Variants in PACRG observed in about 807,000 individuals in gnomAD.
The protein encoded by PACRG is parkin coregulated, also known as parkin coregulated gene protein.
PACRG carries 29 observed loss-of-function variants against 29.7 expected under a neutral mutation model. The observed-to-expected ratio is 0.98, with a 90% confidence interval of 0.73 to 1.33. The LOEUF is 1.33. Ranked by LOEUF, PACRG falls within the 40% of genes most tolerant of loss-of-function variation. The probability of loss-of-function intolerance (pLI) is 0.00; values close to 1 mark genes in which losing one functional copy is unlikely to be tolerated. For missense variants in PACRG, 279 were observed against 316.2 expected (o/e 0.88, Z 0.89); for synonymous variants, 116 against 118.7 (o/e 0.98, Z 0.15).
At chr6:162,825,299 A>C (rs1788182811) in intron 2 of PACRG, among the ~76,000 whole-genome samples, 2 of 152,176 alleles carry the variant, frequency 1.3e-5, no homozygotes, top group African/African-American at 4.8e-5. Context: ...AGTCTGATTT[A>C]AGTCTGAAGA....
chr6:163,183,390 G>A (rs947521549), intron 4 of PACRG: 1 of 152,218 alleles, frequency 6.6e-6, no homozygotes, highest in Non-Finnish European at 1.5e-5. Flanking sequence ...ACAACTTGTA[G>A]GACATGATAT....
chr6:162,985,706 A>G (rs1802830815), intron 2 of PACRG, among the ~76,000 whole-genome samples: 1 of 152,066 alleles, frequency 6.6e-6, no homozygotes. Context: ...TCCTAGCCAG[A>G]GCAATCAGAC....
At chr6:162,976,853 T>C (rs141124558) in intron 2 of PACRG, among the ~76,000 whole-genome samples, 1 of 152,236 alleles carries the variant, frequency 6.6e-6, no homozygotes, top group Non-Finnish European at 1.5e-5. Context: ...TTCTAAATAC[T>C]ATTATTAGAA....
chr6:163,158,103 G>A (rs1287324633), intron 4 of PACRG, among the ~76,000 whole-genome samples: 1 of 152,198 alleles, frequency 6.6e-6, no homozygotes, highest in East Asian at 1.9e-4. Flanking sequence ...CTGAGAGAAT[G>A]GGAAATGCTC....
chr6:163,154,395 G>A (rs1442708883), intron 4 of PACRG, among the ~76,000 whole-genome samples: 1 of 152,232 alleles, frequency 6.6e-6, no homozygotes, highest in East Asian at 1.9e-4. Flanking sequence ...CAGGAGATGG[G>A]CTGATAGTTC....
chr6:163,035,245 G>T (rs767236493), intron 2 of PACRG, among the ~76,000 whole-genome samples: 13 of 152,170 alleles, frequency 8.5e-5, no homozygotes, highest in Non-Finnish European at 1.3e-4. Flanking sequence ...GGGCACAGTG[G>T]CTCATGCCCA....
chr6:162,943,687 G>A (rs9456819), intron 2 of PACRG, among the ~76,000 whole-genome samples: 105,488 of 151,896 alleles, frequency 0.69, 36,946 homozygotes, highest in East Asian at 0.79. Context: ...TGAGCTCGCC[G>A]TCTGGGTACC....
intron 4 of PACRG, 23 bp from the exon 5 acceptor site, chr6:163,314,804 C>T (rs1185579673): frequency 6.2e-7 from 1 of 1,610,502 alleles, no homozygotes; most frequent in African/African-American, 1.3e-5. Context: ...TAACTGGCCT[C>T]TTTGTGTGTT....
chr6:163,306,206 C>T (rs1339289900), intron 4 of PACRG, among the ~76,000 whole-genome samples: 1 of 152,210 alleles, frequency 6.6e-6, no homozygotes, highest in East Asian at 1.9e-4. Flanking sequence ...GTTATTATTA[C>T]TCCACCATGA....
intron 4 of PACRG, among the ~76,000 whole-genome samples, chr6:163,287,246 T>A (rs779754272): frequency 1.3e-5 from 2 of 152,158 alleles, no homozygotes; most frequent in Non-Finnish European, 2.9e-5. Context: ...TGCTTTGGTG[T>A]TCCTTGCAGG....
At chr6:163,239,902 T>C (rs1319790332) in intron 4 of PACRG, among the ~76,000 whole-genome samples, 2 of 128,592 alleles carry the variant, frequency 1.6e-5, no homozygotes, top group East Asian at 5.1e-4. Flanking sequence ...ACTCACACTG[T>C]CACACGCTCA....
chr6:162,765,408 C>A (rs1402230340), intron 1 of PACRG, among the ~76,000 whole-genome samples: 1 of 152,112 alleles, frequency 6.6e-6, no homozygotes, highest in Non-Finnish European at 1.5e-5. Context: ...CCCAACTAAA[C>A]CCTCCAGGTC....
chr6:163,006,648 A>G (rs989214046), intron 2 of PACRG, among the ~76,000 whole-genome samples: 23 of 151,936 alleles, frequency 1.5e-4, no homozygotes, highest in African/African-American at 5.3e-4. Context: ...CTTTAGAATT[A>G]TTATGTCCTC....
At chr6:162,913,806 C>T (rs1372400003) in intron 2 of PACRG, among the ~76,000 whole-genome samples, 3 of 152,124 alleles carry the variant, frequency 2.0e-5, no homozygotes, top group African/African-American at 7.2e-5. Context: ...CAATATTGAG[C>T]ATATTTTGTG....
chr6:163,244,991 G>A (rs1221162009), intron 4 of PACRG: 1 of 454,396 alleles, frequency 2.2e-6, no homozygotes, highest in Non-Finnish European at 4.4e-6. Context: ...AAGTGGGGAG[G>A]TCCAGACTTG....
At chr6:163,018,033 ATG>A (rs113304102) in intron 2 of PACRG, among the ~76,000 whole-genome samples, 17 of 152,092 alleles carry the variant, frequency 1.1e-4, no homozygotes, top group African/African-American at 3.9e-4. Context: ...CTGTGTGTGT[ATG>A]TGTGTGTGTT....
chr6:162,770,236 A>G (rs1210330160), intron 1 of PACRG, among the ~76,000 whole-genome samples: 2 of 152,166 alleles, frequency 1.3e-5, no homozygotes, highest in African/African-American at 4.8e-5. Context: ...CTTTTCCAAG[A>G]TAATTCTATT....
Position 162,963,869 on chromosome 6 carries a change from G to C in PACRG, c.292-98281G>C, listed in dbSNP as rs996703122. On this transcript the variant is annotated intron_variant, in intron 2 of 4. Transcript: ENST00000366888. ...CATTGCAATTGCAATATATCAGTTAGATCATGGGTTGAAGCTACAGAAACA... is the reference window on the plus strand; with the variant it reads ...CATTGCAATTGCAATATATCAGTTACATCATGGGTTGAAGCTACAGAAACA... 2.6e-5 allele frequency among the ~76,000 whole-genome samples: 4 copies of C among 152,058 alleles called. No homozygotes were observed. The South Asian group carries it at 8.3e-4, about 32-fold the overall frequency.
chr6:163,277,634 C>T (rs13192253), intron 4 of PACRG, among the ~76,000 whole-genome samples: 19 of 145,644 alleles, frequency 1.3e-4, no homozygotes, highest in East Asian at 2.0e-4. Context: ...TATATACATA[C>T]GTGTATATAT....
Sources: gnomAD v4.1 joint callset for allele counts (sites outside exome capture counted in the v4.1 genomes callset) on GRCh38, gnomAD v4.1.1 for gene constraint, MANE v1.5 for transcripts, NCBI Gene and HGNC (gene_info 2026-07-23, HGNC 2026-07-21) for gene names.